RALYL: variants seen among roughly 807,000 people sequenced by gnomAD.
RALYL encodes RALY RNA binding protein like.
Under a neutral mutation model 35.1 loss-of-function variants are expected in RALYL, and 29 were observed. The observed-to-expected ratio is 0.83, with a 90% CI of 0.61 to 1.13. RALYL has a LOEUF of 1.13. Ranked by LOEUF, RALYL falls within the 50% of genes most tolerant of loss-of-function variation. RALYL has a pLI of 0.00. For synonymous variants in RALYL, 120 were observed against 127.6 expected (o/e 0.94, Z 0.40); for missense variants, 359 against 360.4 (o/e 1.00, Z 0.03).
At chr8:84,670,712 A>G (rs1338737071) in intron 2 of RALYL, among the ~76,000 whole-genome samples, 1 of 152,130 alleles carries the variant, frequency 6.6e-6, no homozygotes, top group Non-Finnish European at 1.5e-5. Flanking sequence ...TGAGAACAGC[A>G]TGGGAAAGCC....
intron 2 of RALYL, among the ~76,000 whole-genome samples, chr8:84,555,530 C>T (rs571183405): frequency 1.3e-4 from 20 of 152,254 alleles, no homozygotes; most frequent in South Asian, 8.3e-4. Context: ...AAGAAATTGC[C>T]GTCTTCTCTT....
At chr8:84,431,934 A>G (rs775004904) in intron 1 of RALYL, among the ~76,000 whole-genome samples, 1 of 152,162 alleles carries the variant, frequency 6.6e-6, no homozygotes, top group Non-Finnish European at 1.5e-5. Flanking sequence ...TAATAAGAAA[A>G]CAAGCATTGG....
intron 1 of RALYL, among the ~76,000 whole-genome samples, chr8:84,404,599 T>G (rs180767582): frequency 6.6e-6 from 1 of 152,314 alleles, no homozygotes; most frequent in African/African-American, 2.4e-5. Context: ...AATTTTTCCA[T>G]CGATGTTCAT....
At chr8:84,223,195 CTTCCCTTCCA>C (rs1822887211) in intron 1 of RALYL, among the ~76,000 whole-genome samples, 1 of 99,426 alleles carries the variant, frequency 1.0e-5, no homozygotes, top group African/African-American at 4.5e-5. Flanking sequence ...CTTCCCTTCC[CTTCCCTTCCA>C]TTCCTCCCTT....
intron 3 of RALYL, among the ~76,000 whole-genome samples, chr8:84,793,872 C>T (rs1049981327): frequency 2.6e-5 from 4 of 152,156 alleles, no homozygotes; most frequent in African/African-American, 9.7e-5. Flanking sequence ...ATTAACCAGC[C>T]AGACCAGTAT....
intron 2 of RALYL, among the ~76,000 whole-genome samples, chr8:84,714,792 C>A (rs1269389743): frequency 6.6e-6 from 1 of 151,404 alleles, no homozygotes. Flanking sequence ...CATAAGTGGG[C>A]AAGAAAAGGG....
At chr8:84,227,565 A>G (rs1824250841) in intron 1 of RALYL, among the ~76,000 whole-genome samples, 1 of 152,204 alleles carries the variant, frequency 6.6e-6, no homozygotes, top group Non-Finnish European at 1.5e-5. Context: ...AAGTTACATG[A>G]TCTTATTCTT....
intron 2 of RALYL, among the ~76,000 whole-genome samples, chr8:84,762,307 A>G (rs1175792394): frequency 1.3e-5 from 2 of 152,142 alleles, no homozygotes; most frequent in Non-Finnish European, 2.9e-5. Context: ...ATTAAATATC[A>G]TATATCCCAT....
intron 2 of RALYL, among the ~76,000 whole-genome samples, chr8:84,767,180 G>A (rs1223329577): frequency 6.6e-6 from 1 of 152,182 alleles, no homozygotes; most frequent in African/African-American, 2.4e-5. Context: ...TCTGGTGGAT[G>A]ACACTTTGGA....
In RALYL at chr8:84,669,491, C is replaced by A. The variant is rs951587351; in HGVS notation, c.257-105088C>A. 6.2e-4 allele frequency among the ~76,000 whole-genome samples: 26 copies of A among 42,092 alleles called. 1 individual carries two copies. In the East Asian group the frequency reaches 0.015, roughly 24 times the overall value. The allele number at this position is 42,092 out of a possible 152,430, so 27.6% of individuals were successfully genotyped here. A position where few individuals can be genotyped will look rare whatever the true frequency, so the allele number is the denominator to read the frequency against. ...CCACATCTTCTCCCTCCCCCCTCCC[C>A]CCCCCCCCACTCTATTAGTTCACAG... On this transcript the variant is annotated intron_variant, in intron 2 of 8. Transcript: ENST00000521268.
intron 1 of RALYL, among the ~76,000 whole-genome samples, chr8:84,264,783 GTTTATA>G (rs138982724): frequency 0.024 from 3,655 of 152,200 alleles, 90 homozygotes; most frequent in Non-Finnish European, 0.03. Context: ...AATGACTGAT[GTTTATA>G]TTTATAACTC....
chr8:84,693,612 T>G (rs1356361901), intron 2 of RALYL, among the ~76,000 whole-genome samples: 1 of 151,850 alleles, frequency 6.6e-6, no homozygotes, highest in Non-Finnish European at 1.5e-5. Flanking sequence ...TTAGACGCAT[T>G]TTATGAGGCC....
chr8:84,661,871 T>C (rs998949767), intron 2 of RALYL, among the ~76,000 whole-genome samples: 4 of 151,840 alleles, frequency 2.6e-5, no homozygotes, highest in African/African-American at 9.7e-5. Flanking sequence ...GAAGGAATTA[T>C]GCAAAACCCC....
At chr8:84,863,250 C>A (rs1268006324) in intron 6 of RALYL, among the ~76,000 whole-genome samples, 1 of 151,842 alleles carries the variant, frequency 6.6e-6, no homozygotes, top group East Asian at 1.9e-4. Context: ...TGAGTGGAAA[C>A]CTAAAGGAAG....
intron 2 of RALYL, among the ~76,000 whole-genome samples, chr8:84,576,934 C>T (rs565049806): frequency 1.6e-4 from 24 of 152,318 alleles, no homozygotes; most frequent in African/African-American, 5.8e-4. Flanking sequence ...GACAGAACTC[C>T]TGACCAACCT....
intron 2 of RALYL, among the ~76,000 whole-genome samples, chr8:84,766,298 T>G (rs1335845657): frequency 6.6e-6 from 1 of 152,084 alleles, no homozygotes; most frequent in African/African-American, 2.4e-5. Flanking sequence ...AGTGAATCTT[T>G]TTTTGCAGTT....
intron 1 of RALYL, among the ~76,000 whole-genome samples, chr8:84,468,455 A>T (rs2052095738): frequency 1.3e-5 from 2 of 149,802 alleles, no homozygotes; most frequent in African/African-American, 4.9e-5. Context: ...TTTCTTTAAG[A>T]ATGTTGAACA....
At chr8:84,474,494 G>A (rs1181710811) in intron 1 of RALYL, among the ~76,000 whole-genome samples, 1 of 152,166 alleles carries the variant, frequency 6.6e-6, no homozygotes, top group Admixed American at 6.5e-5. Flanking sequence ...GCAAGTTTCT[G>A]AGAAAATTTC....
chr8:84,527,175 G>T (rs1321685705), intron 1 of RALYL, among the ~76,000 whole-genome samples: 1 of 152,176 alleles, frequency 6.6e-6, no homozygotes, highest in African/African-American at 2.4e-5. Flanking sequence ...ATATAGATAT[G>T]TATAGATTTT....
Sources: gnomAD v4.1 joint callset for allele counts (sites outside exome capture counted in the v4.1 genomes callset) on GRCh38, gnomAD v4.1.1 for gene constraint, MANE v1.5 for transcripts, NCBI Gene and HGNC (gene_info 2026-07-23, HGNC 2026-07-21) for gene names.